KIF13A: variants seen among roughly 807,000 people sequenced by gnomAD.
KIF13A encodes kinesin-like protein KIF13A.
KIF13A carries 79 observed loss-of-function variants against 212.2 expected under a neutral mutation model. That is an observed-to-expected ratio of 0.37 (90% CI 0.31 to 0.45). KIF13A has a LOEUF of 0.45. Among genes scored for constraint, KIF13A ranks in the 20% least tolerant of loss-of-function variants. The pLI is 1.00. For synonymous variants in KIF13A, 789 were observed against 808.6 expected (o/e 0.98, Z 0.41); for missense variants, 1,901 against 2,209.0 (o/e 0.86, Z 2.79).
At chr6:17,970,898 A>G (rs772866156) in intron 2 of KIF13A, among the ~76,000 whole-genome samples, 26 of 152,236 alleles carry the variant, frequency 1.7e-4, no homozygotes, top group Non-Finnish European at 3.5e-4. Context: ...GTATCTATCA[A>G]AACAGTGCAA....
chr6:17,983,229 CTTAT>C (rs1168511651), intron 2 of KIF13A, among the ~76,000 whole-genome samples: 1 of 149,154 alleles, frequency 6.7e-6, no homozygotes, highest in Non-Finnish European at 1.5e-5. Context: ...TATATAAATA[CTTAT>C]TTGTGTATAT....
chr6:17,799,397 T>G lies in KIF13A; in HGVS notation c.2659A>C (p.Asn887His), dbSNP rs1762298254. Residue 887 changes from asparagine (N) to histidine (H), a missense_variant, in exon 22 of 39, where the codon AAT becomes CAT. By Grantham distance (68) the Asn-to-His change is moderately conservative. This residue lies in a region of KIF13A where 534 missense variants were observed against 536.9 expected (regional missense o/e 0.99). Transcript: ENST00000259711. This position sits in a 1 kb window ranked among gnomAD's most constrained non-coding sequence, Gnocchi z 4.4. ...EATGLPLNLSNFVFCQYTFWD... is the reference protein window; with the variant it reads ...EATGLPLNLSHFVFCQYTFWD... ...AATGTGTATTGACAGAAGACAAAATTTGAGAGGTTTAAGGGCAGCCCCGTT... is the reference window on the plus strand; with the variant it reads ...AATGTGTATTGACAGAAGACAAAATGTGAGAGGTTTAAGGGCAGCCCCGTT... 1 of 1,603,066 alleles carries G rather than the reference T, an allele frequency of 6.2e-7. No homozygotes were observed. Among genetic ancestry groups the G allele is most frequent in the Non-Finnish European group, 8.5e-7 (1 of 1,174,214 alleles).
At chr6:17,761,290 C>T (rs912085457), downstream of KIF13A, among the ~76,000 whole-genome samples, 1 of 152,110 alleles carries the variant, frequency 6.6e-6, no homozygotes, top group African/African-American at 2.4e-5. Flanking sequence ...ATGTTGCCCA[C>T]GATGGTGTCA....
In KIF13A at chr6:17,951,204, G is replaced by A. The variant is rs769294648; in HGVS notation, c.146+35850C>T. ...GGGTCTGGCTCTGTCACCCAGGCTG[G>A]CGTGCAGTGGCTCAAACAGCTCACT... On this transcript the variant is annotated intron_variant, in intron 2 of 38. Transcript: ENST00000259711. The surrounding 1 kb of genome is among the most constrained non-coding windows in gnomAD (Gnocchi z 4.9). 6.5e-5 allele frequency: 74 copies of A among 1,141,814 alleles called. 1 individual carries two copies. Among genetic ancestry groups the A allele is most frequent in the Non-Finnish European group, 8.0e-5 (72 of 896,006 alleles). The allele number at this position is 1,141,814 out of a possible 1,614,324, so 70.7% of individuals were successfully genotyped here.
chr6:17,815,727 T>C (rs1041548307), intron 17 of KIF13A: 2 of 269,578 alleles, frequency 7.4e-6, no homozygotes, highest in Non-Finnish European at 1.6e-5. Context: ...ATATCTATAA[T>C]CTATTTCTAG....
chr6:17,903,630 T>G (rs1773239324), intron 2 of KIF13A, among the ~76,000 whole-genome samples: 1 of 152,146 alleles, frequency 6.6e-6, no homozygotes, highest in African/African-American at 2.4e-5. Flanking sequence ...CAAAGCTGAA[T>G]GCAGGCACAG....
Position 17,796,673 on chromosome 6 carries a change from C to A in KIF13A, c.2938G>T (p.Asp980Tyr). Residue 980 changes from aspartate to tyrosine, a missense_variant, in exon 23 of 39, where the codon GAC becomes TAC. Asp to Tyr is a radical substitution (Grantham distance 160). Coordinates refer to ENST00000259711, the MANE Select transcript of KIF13A (RefSeq NM_022113.6). The part of the protein sequence containing the change: ...SLHAKTRTLH[D>Y]RWNEVTRRIE... ...AGCTCACAGCCAAGTACAAACCTGT[C>A]ATGCAGTGTTCTTGTCTTAGCATGA... 1 of 1,534,550 alleles carries A rather than the reference C, an allele frequency of 6.5e-7. No homozygotes were observed. The highest frequency in any genetic ancestry group is 1.3e-5 in the South Asian group (1 of 79,980).
At chr6:17,760,578 A>G, downstream of KIF13A, 1 of 378,142 alleles carries the variant, frequency 2.6e-6, no homozygotes, top group Non-Finnish European at 4.7e-6. Context: ...TAGTAAGTGC[A>G]AAAAAAAATA....
chr6:17,851,995 T>C lies in KIF13A; in HGVS notation c.542A>G (p.Tyr181Cys). 6.4e-7 allele frequency: 1 copy of C among 1,558,202 alleles called. No homozygotes were observed. The highest frequency in any genetic ancestry group is 2.3e-5 in the East Asian group (1 of 42,570). The change falls in exon 7 of 39, where the codon TAT becomes TGT. Residue 181 changes from tyrosine to cysteine, a missense_variant. Coordinates refer to ENST00000259711, the MANE Select transcript of KIF13A (RefSeq NM_022113.6). Reference sequence around the variant, plus strand: ...AGCTAGTTGAGATAAACCATCTACATATGGTCCCAAAACTTTATGTTCTCG... The same window carrying C: ...AGCTAGTTGAGATAAACCATCTACACATGGTCCCAAAACTTTATGTTCTCG... ...KVREHKVLGPYVDGLSQLAVT... is the reference protein window; with the variant it reads ...KVREHKVLGPCVDGLSQLAVT...
chr6:17,831,258 G>A (rs1765421767), intron 12 of KIF13A, 23 bp from the exon 13 acceptor site: 2 of 1,598,846 alleles, frequency 1.3e-6, no homozygotes, highest in Admixed American at 3.6e-5. Context: ...ACAGACAAAA[G>A]AAGGAAACTC....
intron 2 of KIF13A, among the ~76,000 whole-genome samples, chr6:17,932,236 T>C (rs1472913627): frequency 6.6e-6 from 1 of 152,182 alleles, no homozygotes; most frequent in Non-Finnish European, 1.5e-5. Flanking sequence ...TTTACATCCA[T>C]ATTTGGCACC....
Position 17,864,634 on chromosome 6 carries a change from G to C in KIF13A, c.221-8512C>G, listed in dbSNP as rs115409936. ...GCCTCCTGAGTAGCTAGGACTACAG[G>C]TGTGTGCCACCACTTATGGCTAATT... On this transcript the variant is annotated intron_variant, in intron 4 of 38. Coordinates refer to ENST00000259711, the MANE Select transcript of KIF13A (RefSeq NM_022113.6). Among the ~76,000 whole-genome samples, 857 of 152,284 alleles carry C rather than the reference G, an allele frequency of 5.6e-3. 13 individuals carry two copies. Among genetic ancestry groups the C allele is most frequent in the African/African-American group, 0.019 (793 of 41,546 alleles).
At position 17,811,282 on chromosome 6, in the gene KIF13A, C is replaced by T. The variant is rs1763404046; in HGVS notation, c.2001-2352G>A. ...CATGCTTTTCACTTCAATACATTCA[C>T]ACAATCAATGCATACAATATTTACT... On this transcript the variant is annotated intron_variant, in intron 17 of 38. Coordinates refer to ENST00000259711, the MANE Select transcript of KIF13A (RefSeq NM_022113.6). The surrounding 1 kb of genome is among the most constrained non-coding windows in gnomAD (Gnocchi z 6.0). Among the ~76,000 whole-genome samples, 2 of 152,204 alleles carry T rather than the reference C, an allele frequency of 1.3e-5. No homozygotes were observed. The highest frequency in any genetic ancestry group is 4.1e-4 in the South Asian group (2 of 4,832).
chr6:17,803,845 T>C (rs1762690976), intron 20 of KIF13A, among the ~76,000 whole-genome samples: 1 of 152,044 alleles, frequency 6.6e-6, no homozygotes, highest in South Asian at 2.1e-4. Context: ...TTAAATGTTA[T>C]AATAATCTTT....
intron 12 of KIF13A, among the ~76,000 whole-genome samples, chr6:17,832,189 A>C (rs1225773355): frequency 6.6e-6 from 1 of 152,230 alleles, no homozygotes; most frequent in Non-Finnish European, 1.5e-5. Flanking sequence ...ATGATCAATG[A>C]GATTAAAAAT....
At chr6:17,863,332 G>T (rs1769017975) in intron 4 of KIF13A, among the ~76,000 whole-genome samples, 1 of 151,616 alleles carries the variant, frequency 6.6e-6, no homozygotes, top group Non-Finnish European at 1.5e-5. Context: ...TGGGGCCAGG[G>T]TATGCTAATC....
intron 2 of KIF13A, among the ~76,000 whole-genome samples, chr6:17,960,987 T>C (rs1484842254): frequency 6.6e-6 from 1 of 152,354 alleles, no homozygotes; most frequent in Non-Finnish European, 1.5e-5. Flanking sequence ...TCAAGAAGCG[T>C]AGCATCTTTC....
chr6:17,759,315 A>C (rs542555402), downstream of KIF13A: 3 of 152,274 alleles, frequency 2.0e-5, no homozygotes, highest in South Asian at 6.2e-4. Context: ...AATGTGTACC[A>C]ATTAAACACA....
At chr6:17,906,206 C>T (rs1373461387) in intron 2 of KIF13A, among the ~76,000 whole-genome samples, 2 of 152,176 alleles carry the variant, frequency 1.3e-5, no homozygotes, top group African/African-American at 4.8e-5. Context: ...ATTCAAGAGA[C>T]ATGCCACCAA....
Sources: allele counts gnomAD v4.1 joint callset (sites outside exome capture counted in the v4.1 genomes callset), GRCh38; gene constraint gnomAD v4.1.1; regional missense constraint gnomAD v4.1.1; non-coding constraint Gnocchi (gnomAD v3.1); transcripts MANE v1.5; gene names NCBI Gene and HGNC (gene_info 2026-07-23, HGNC 2026-07-21).